Variants in PTPRM observed in about 807,000 individuals in gnomAD.
The protein encoded by PTPRM is protein tyrosine phosphatase receptor type M.
In PTPRM, 47 loss-of-function variants were observed where a neutral mutation model predicts 186.7. That is an observed-to-expected ratio of 0.25 (90% CI 0.20 to 0.32). PTPRM has a LOEUF of 0.32. Ranked by LOEUF, PTPRM falls within the 10% of genes least tolerant of loss-of-function variation. PTPRM has a pLI of 1.00. For missense variants in PTPRM, 1,494 were observed against 1,865.0 expected (o/e 0.80, Z 3.66); for synonymous variants, 668 against 674.9 (o/e 0.99, Z 0.16).
chr18:7,580,687 T>C (rs2036820519), intron 1 of PTPRM, among the ~76,000 whole-genome samples: 2 of 152,210 alleles, frequency 1.3e-5, no homozygotes. Context: ...AAAGCTTGGC[T>C]GAGAGAATCA....
chr18:8,096,224 A>G (rs2091010220), intron 11 of PTPRM, among the ~76,000 whole-genome samples: 1 of 152,238 alleles, frequency 6.6e-6, no homozygotes, highest in Non-Finnish European at 1.5e-5. Flanking sequence ...ATTGTGGCTC[A>G]TTCTTGGCTA....
At chr18:8,198,863 T>A (rs949731523) in intron 14 of PTPRM, among the ~76,000 whole-genome samples, 2 of 152,108 alleles carry the variant, frequency 1.3e-5, no homozygotes, top group African/African-American at 4.8e-5. Context: ...ATTAAGGTGA[T>A]ATATTTAACT....
chr18:8,309,373 T>TCAC (rs2095250836), intron 20 of PTPRM, among the ~76,000 whole-genome samples: 1 of 152,230 alleles, frequency 6.6e-6, no homozygotes, highest in Non-Finnish European at 1.5e-5. Context: ...GGTATCTCAT[T>TCAC]GTAAGCTGGG....
At chr18:7,782,466 AT>A (rs1439653673) in intron 2 of PTPRM, among the ~76,000 whole-genome samples, 1 of 152,232 alleles carries the variant, frequency 6.6e-6, no homozygotes, top group Admixed American at 6.5e-5. Context: ...TATGTGAACC[AT>A]TTTTAAGTGT....
rs1159425132 is a variant in PTPRM at position 8,042,822 on chromosome 18, G to T, written c.1133-26864G>T. Among the ~76,000 whole-genome samples, 5 of 152,206 alleles carry T rather than the reference G, an allele frequency of 3.3e-5. No individual in the cohort carries two copies. The East Asian group carries it at 9.7e-4, about 29-fold the overall frequency. On this transcript the variant is annotated intron_variant, in intron 7 of 32. Coordinates refer to ENST00000580170, the MANE Select transcript of PTPRM (RefSeq NM_001105244.2). ...TTTCCCACCTTCCTGCTGTACACCT[G>T]CCCAGCTAATTGATCACAGCCCATG... is the stretch of plus-strand genomic sequence containing the variant.
intron 1 of PTPRM, among the ~76,000 whole-genome samples, chr18:7,575,723 G>A (rs1043827458): frequency 2.6e-5 from 4 of 152,158 alleles, no homozygotes; most frequent in African/African-American, 9.7e-5. Flanking sequence ...CTGTGTAGGT[G>A]TGTAACATCT....
chr18:7,730,821 G>A (rs886846102), intron 1 of PTPRM, among the ~76,000 whole-genome samples: 1 of 152,148 alleles, frequency 6.6e-6, no homozygotes, highest in East Asian at 1.9e-4. Context: ...CATGTTGATT[G>A]CACTTCACAT....
In PTPRM at chr18:8,296,415, T is replaced by G. The variant is rs750955982; in HGVS notation, c.2802T>G (p.Asp934Glu). The G allele has an allele frequency of 1.9e-6, 3 of 1,611,580 alleles. No homozygotes were observed. The highest frequency in any genetic ancestry group is 2.5e-6 in the Non-Finnish European group (3 of 1,177,752). Residue 934 changes from aspartate to glutamate, a missense_variant, in exon 20 of 33, where the codon GAT (aspartate) becomes GAG (glutamate). Physicochemically the swap from Asp to Glu is conservative, Grantham distance 45. This residue lies in a region of PTPRM where 1,107 missense variants were observed against 1,350.2 expected (regional missense o/e 0.82). Coordinates refer to ENST00000580170, the MANE Select transcript of PTPRM (RefSeq NM_001105244.2). ...CACCATGGGACTCGGCTAAGAAAGA[T>G]GAGAACAGAATGAAGAACAGATACG... The part of the protein sequence containing the change: ...QSAPWDSAKK[D>E]ENRMKNRYGN...
intron 19 of PTPRM, among the ~76,000 whole-genome samples, chr18:8,260,171 C>CT (rs1454758455): frequency 6.6e-6 from 1 of 151,244 alleles, no homozygotes; most frequent in African/African-American, 2.4e-5. Flanking sequence ...AGGAGAATTG[C>CT]TTTTTTCATT....
chr18:8,339,462 G>A (rs1324761188), intron 22 of PTPRM, among the ~76,000 whole-genome samples: 1 of 152,170 alleles, frequency 6.6e-6, no homozygotes, highest in African/African-American at 2.4e-5. Flanking sequence ...AGAAACTGCG[G>A]AAATCAAATG....
chr18:8,317,871 T>G (rs559552254), intron 21 of PTPRM, among the ~76,000 whole-genome samples: 1 of 152,278 alleles, frequency 6.6e-6, no homozygotes, highest in East Asian at 1.9e-4. Context: ...CTCGGACATA[T>G]AGTATGGATA....
chr18:7,949,016 G>C (rs1454168340), intron 5 of PTPRM, among the ~76,000 whole-genome samples, 165 bp from the exon 6 acceptor site: 1 of 152,108 alleles, frequency 6.6e-6, no homozygotes. Context: ...CAGAATTTTA[G>C]TTTCCTGCTC....
intron 2 of PTPRM, among the ~76,000 whole-genome samples, chr18:7,855,982 C>T (rs900253691): frequency 6.6e-6 from 1 of 152,140 alleles, no homozygotes; most frequent in Non-Finnish European, 1.5e-5. Flanking sequence ...TTTTTCTCAG[C>T]TTCTGGAAAA....
intron 1 of PTPRM, among the ~76,000 whole-genome samples, chr18:7,647,432 G>T (rs111441866): frequency 6.6e-6 from 1 of 152,162 alleles, no homozygotes; most frequent in South Asian, 2.1e-4. Flanking sequence ...GTAAGTTATT[G>T]TGACCCAGGC....
chr18:7,668,213 G>A lies in PTPRM; in HGVS notation c.73+100322G>A, dbSNP rs114284704. On this transcript the variant is annotated intron_variant, in intron 1 of 32. Transcript: ENST00000580170. The surrounding 1 kb of genome is among the most constrained non-coding windows in gnomAD (Gnocchi z 4.7). ...TGGTGAGGAGCTGCACCACGGTGGT[G>A]CCCGCAGACGCTGCTTCGTGTCCCC... Among the ~76,000 whole-genome samples, 1 of 152,112 alleles carries A rather than the reference G, an allele frequency of 6.6e-6. No individual in the cohort carries two copies. Among genetic ancestry groups the A allele is most frequent in the Admixed American group, 6.5e-5 (1 of 15,276 alleles).
In PTPRM at chr18:8,362,670, A is replaced by G. The variant is rs79293299; in HGVS notation, c.3055-8220A>G. 6.1e-3 allele frequency among the ~76,000 whole-genome samples: 932 copies of G among 152,356 alleles called. 10 individuals carry two copies. The highest frequency in any genetic ancestry group is 0.021 in the African/African-American group (885 of 41,574). ...CATATTTCTGTCTCATTTGTAAGGT[A>G]GTTTCCCTTATGAAGCTTTGCATAC... On this transcript the variant is annotated intron_variant, in intron 23 of 32. Coordinates refer to ENST00000580170, the MANE Select transcript of PTPRM (RefSeq NM_001105244.2).
intron 1 of PTPRM, among the ~76,000 whole-genome samples, chr18:7,679,976 C>G (rs73389578): frequency 0.021 from 3,234 of 152,224 alleles, 83 homozygotes; most frequent in African/African-American, 0.059. Flanking sequence ...GGTCATCCTC[C>G]CACCTCAGTC....
At chr18:8,111,928 A>C (rs560518786) in intron 11 of PTPRM, among the ~76,000 whole-genome samples, 4 of 152,148 alleles carry the variant, frequency 2.6e-5, no homozygotes, top group Non-Finnish European at 4.4e-5. Flanking sequence ...TTTGTTTTTA[A>C]TGGTATTCCA....
chr18:7,837,469 T>C (rs1282628488), intron 2 of PTPRM, among the ~76,000 whole-genome samples: 2 of 152,196 alleles, frequency 1.3e-5, no homozygotes, highest in East Asian at 3.9e-4. Context: ...CACATTTTTT[T>C]TTTGAGTCAG....
Sources: allele counts gnomAD v4.1 joint callset (sites outside exome capture counted in the v4.1 genomes callset), GRCh38; gene constraint gnomAD v4.1.1; regional missense constraint gnomAD v4.1.1; non-coding constraint Gnocchi (gnomAD v3.1); transcripts MANE v1.5; gene names NCBI Gene and HGNC (gene_info 2026-07-23, HGNC 2026-07-21).